The following KIF2A variants were observed in gnomAD, a reference collection of about 807,000 sequenced individuals.
KIF2A encodes the protein kinesin family member 2A.
KIF2A carries 22 observed loss-of-function variants against 100.2 expected under a neutral mutation model. The ratio of observed to expected loss-of-function variants is 0.22; its 90% CI spans 0.16 to 0.31. KIF2A has a LOEUF of 0.31. KIF2A is among the 10% of genes least tolerant of loss of function. KIF2A has a pLI of 1.00. For missense variants in KIF2A, 495 were observed against 898.7 expected (o/e 0.55, Z 5.74); for synonymous variants, 268 against 285.9 (o/e 0.94, Z 0.63).
intron 1 of KIF2A, among the ~76,000 whole-genome samples, chr5:62,339,018 G>A (rs1007213880): frequency 3.3e-5 from 5 of 152,104 alleles, no homozygotes; most frequent in Non-Finnish European, 7.4e-5. Flanking sequence ...TTGCTAGGGG[G>A]ATTACAAATC....
chr5:62,331,456 C>T (rs1247247960), intron 1 of KIF2A, among the ~76,000 whole-genome samples: 2 of 151,170 alleles, frequency 1.3e-5, no homozygotes, highest in African/African-American at 2.4e-5. Context: ...GGCACGGTGG[C>T]ATATGCCTGT....
chr5:62,310,578 C>A (rs1350520334), intron 1 of KIF2A, among the ~76,000 whole-genome samples: 1 of 150,972 alleles, frequency 6.6e-6, no homozygotes, highest in Non-Finnish European at 1.5e-5. Flanking sequence ...CTACTCTGGC[C>A]CTCTACTTCC....
chr5:62,326,645 T>A (rs1412103300), intron 1 of KIF2A, among the ~76,000 whole-genome samples: 1 of 152,030 alleles, frequency 6.6e-6, no homozygotes, highest in Non-Finnish European at 1.5e-5. Flanking sequence ...TTATTTTCTT[T>A]ACTGAGTCAT....
chr5:62,361,663 A>T (rs1748415922), intron 11 of KIF2A, 134 bp downstream of exon 11: 2 of 544,978 alleles, frequency 3.7e-6, no homozygotes, highest in Non-Finnish European at 6.5e-6. Context: ...ATTATAGGTT[A>T]TTAGATTGCT....
chr5:62,316,259 A>T (rs1745815027), intron 1 of KIF2A, among the ~76,000 whole-genome samples: 1 of 152,198 alleles, frequency 6.6e-6, no homozygotes, highest in African/African-American at 2.4e-5. Context: ...GTTAGCCAGG[A>T]CCCTCTCAGA....
At chr5:62,337,149 T>C (rs191981698) in intron 1 of KIF2A, among the ~76,000 whole-genome samples, 2 of 152,306 alleles carry the variant, frequency 1.3e-5, no homozygotes, top group African/African-American at 4.8e-5. Flanking sequence ...CACCAACTAT[T>C]CTAGAGTACG....
At position 62,355,274 on chromosome 5, in the gene KIF2A, A is replaced by G; in HGVS notation, c.654+20A>G. ...GATCCTGTAAGATTCTTTGTAAACCATTATTCTGGAACTTTTTATGCTTCA... is the reference window on the plus strand; with the variant it reads ...GATCCTGTAAGATTCTTTGTAAACCGTTATTCTGGAACTTTTTATGCTTCA... On this transcript the variant is annotated intron_variant, in intron 7 of 20. Transcript: ENST00000407818. 6.5e-6 allele frequency: 8 copies of G among 1,223,484 alleles called. No homozygotes were observed. The highest frequency in any genetic ancestry group is 8.3e-6 in the Non-Finnish European group (7 of 840,434). 75.8% of individuals were successfully genotyped at this position (1,223,484 alleles called of 1,614,324 possible).
At chr5:62,339,418 G>A (rs1390128488) in intron 1 of KIF2A, among the ~76,000 whole-genome samples, 1 of 151,568 alleles carries the variant, frequency 6.6e-6, no homozygotes, top group Non-Finnish European at 1.5e-5. Flanking sequence ...ACAATTCCAC[G>A]TGAGATTTAG....
At chr5:62,366,370 A>G (rs1365233786) in intron 15 of KIF2A, 44 bp from the exon 16 acceptor site, 1 of 1,220,920 alleles carries the variant, frequency 8.2e-7, no homozygotes, top group Admixed American at 2.0e-5. Flanking sequence ...TGTCTTGATC[A>G]TTTATAACAT....
chr5:62,315,286 C>G (rs1486464398), intron 1 of KIF2A, among the ~76,000 whole-genome samples: 1 of 150,204 alleles, frequency 6.7e-6, no homozygotes, highest in Non-Finnish European at 1.5e-5. Context: ...CCCACCACAG[C>G]CAATATCTGG....
chr5:62,356,893 C>T (rs2111938168), intron 7 of KIF2A, among the ~76,000 whole-genome samples: 1 of 150,654 alleles, frequency 6.6e-6, no homozygotes, highest in South Asian at 2.1e-4. Context: ...TCAGGCAATT[C>T]TCGTGCCTCA....
chr5:62,355,109 C>T (rs1480012412), intron 6 of KIF2A, 50 bp from the exon 7 acceptor site: 5 of 841,120 alleles, frequency 5.9e-6, no homozygotes, highest in South Asian at 1.6e-5. Context: ...ATAAATGTAA[C>T]AAATACATTA....
chr5:62,310,067 A>ATAAT (rs1561243387), intron 1 of KIF2A, among the ~76,000 whole-genome samples: 1 of 123,066 alleles, frequency 8.1e-6, no homozygotes. Context: ...ATAACTAATA[A>ATAAT]TTCTTTTTTT....
chr5:62,333,100 G>A (rs1035363359), intron 1 of KIF2A, among the ~76,000 whole-genome samples: 1 of 152,038 alleles, frequency 6.6e-6, no homozygotes, highest in African/African-American at 2.4e-5. Flanking sequence ...GATTATATTT[G>A]GAATGTAGCT....
chr5:62,337,767 C>T (rs1419250497), intron 1 of KIF2A, among the ~76,000 whole-genome samples: 1 of 140,362 alleles, frequency 7.1e-6, no homozygotes, highest in Non-Finnish European at 1.6e-5. Context: ...GCCATGATCA[C>T]ACCACCGTAC....
At chr5:62,325,587 A>G (rs774971283) in intron 1 of KIF2A, among the ~76,000 whole-genome samples, 1 of 152,244 alleles carries the variant, frequency 6.6e-6, no homozygotes. Context: ...CAAAACTGCA[A>G]CAAGACACCA....
intron 6 of KIF2A, among the ~76,000 whole-genome samples, chr5:62,353,766 A>T (rs1461626707): frequency 6.6e-6 from 1 of 152,162 alleles, no homozygotes; most frequent in Admixed American, 6.5e-5. Flanking sequence ...TTCTATGGTT[A>T]GTAAGTTCAC....
rs115931538 is a variant in KIF2A at position 62,375,267 on chromosome 5, A to T, written c.1911+1430A>T. Among the ~76,000 whole-genome samples, 1,385 of 152,316 alleles carry T rather than the reference A, an allele frequency of 9.1e-3. 14 individuals carry two copies. Among genetic ancestry groups the T allele is most frequent in the South Asian group, 0.015 (70 of 4,824 alleles). ...TGTGTTTTTAAAATGCATATTCTGC[A>T]TAGTTTGGTGTCATTCTATTCCCAC... On this transcript the variant is annotated intron_variant, in intron 18 of 20. Coordinates refer to ENST00000407818, the MANE Select transcript of KIF2A (RefSeq NM_001098511.3).
At chr5:62,382,896 G>A (rs890335803) in intron 20 of KIF2A, among the ~76,000 whole-genome samples, 7 of 150,706 alleles carry the variant, frequency 4.6e-5, no homozygotes, top group Non-Finnish European at 7.4e-5. Flanking sequence ...CAAAGTGCTG[G>A]GATTACAGAT....
Sources: allele counts gnomAD v4.1 joint callset (sites outside exome capture counted in the v4.1 genomes callset), GRCh38; gene constraint gnomAD v4.1.1; transcripts MANE v1.5; gene names NCBI Gene and HGNC (gene_info 2026-07-23, HGNC 2026-07-21).